The following SPMIP3 variants were observed in gnomAD, a reference collection of about 807,000 sequenced individuals.
The protein encoded by SPMIP3 is protein SPMIP3.
chr1:244,376,934 G>A, the SPMIP3 span, among the ~76,000 whole-genome samples: 17 of 151,062 alleles, frequency 1.1e-4, no homozygotes, highest in Admixed American at 6.6e-4. Flanking sequence ...TCAGCCTCCC[G>A]AGTAGCTGGG....
chr1:244,358,597 TTAAG>T, the SPMIP3 span, among the ~76,000 whole-genome samples: 260 of 144,006 alleles, frequency 1.8e-3, 1 homozygote, highest in Middle Eastern at 3.5e-3. Flanking sequence ...AAAAAAAAAA[TTAAG>T]TATGTATGTG....
At chr1:244,378,619 C>A in the SPMIP3 span, 1 of 1,613,344 alleles carries the variant, frequency 6.2e-7, no homozygotes, top group African/African-American at 1.3e-5. Flanking sequence ...CGAGACTATT[C>A]TCTGCCATTT....
the SPMIP3 span, among the ~76,000 whole-genome samples, chr1:244,369,678 A>G: frequency 2.1e-4 from 31 of 147,616 alleles, no homozygotes; most frequent in African/African-American, 8.0e-4. Flanking sequence ...GGCACGAAAG[A>G]TTGGTTGGAC....
the SPMIP3 span, among the ~76,000 whole-genome samples, chr1:244,385,329 T>C: frequency 1.3e-5 from 2 of 152,246 alleles, no homozygotes; most frequent in African/African-American, 4.8e-5. Context: ...AAGAAATTCT[T>C]CCTCAGTTAA....
chr1:244,367,268 G>C, the SPMIP3 span, among the ~76,000 whole-genome samples: 1 of 152,158 alleles, frequency 6.6e-6, no homozygotes, highest in African/African-American at 2.4e-5. Flanking sequence ...TACATGCAAT[G>C]GGTTGAAGGG....
the SPMIP3 span, among the ~76,000 whole-genome samples, chr1:244,388,539 T>C: frequency 6.6e-6 from 1 of 152,166 alleles, no homozygotes; most frequent in East Asian, 1.9e-4. Flanking sequence ...TGAACTTTTC[T>C]AATCCAAAGG....
At chr1:244,385,463 G>A in the SPMIP3 span, among the ~76,000 whole-genome samples, 1 of 152,152 alleles carries the variant, frequency 6.6e-6, no homozygotes, top group Non-Finnish European at 1.5e-5. Context: ...TCATAGCCTG[G>A]GAGGATAAGA....
chr1:244,375,526 AG>A, the SPMIP3 span: 64 of 1,420,948 alleles, frequency 4.5e-5, no homozygotes, highest in African/African-American at 8.2e-4. Flanking sequence ...AATGATAAAA[AG>A]GGGTCGGCGG....
the SPMIP3 span, chr1:244,375,340 C>T: frequency 1.3e-6 from 2 of 1,537,302 alleles, no homozygotes; most frequent in South Asian, 1.1e-5. Flanking sequence ...GTAAGAATGG[C>T]TTTCTTCTCA....
the SPMIP3 span, among the ~76,000 whole-genome samples, chr1:244,371,216 G>A: frequency 4.6e-5 from 7 of 152,272 alleles, no homozygotes; most frequent in East Asian, 3.9e-4. Flanking sequence ...TCAAAATCAC[G>A]CACGGTGCCT....
the SPMIP3 span, among the ~76,000 whole-genome samples, chr1:244,368,260 A>G: frequency 6.6e-6 from 1 of 152,102 alleles, no homozygotes; most frequent in Non-Finnish European, 1.5e-5. Context: ...CACCTGGCCT[A>G]CTTTATCTGT....
chr1:244,386,134 C>A, the SPMIP3 span, among the ~76,000 whole-genome samples: 24 of 152,224 alleles, frequency 1.6e-4, no homozygotes, highest in Admixed American at 3.9e-4. Flanking sequence ...GCCAAGATCG[C>A]ACCACTGCAC....
chr1:244,378,179 G>A, the SPMIP3 span, among the ~76,000 whole-genome samples: 3 of 152,152 alleles, frequency 2.0e-5, no homozygotes, highest in Admixed American at 6.5e-5. Context: ...GACCTCTGGA[G>A]CGCGGGGAGT....
the SPMIP3 span, among the ~76,000 whole-genome samples, chr1:244,386,433 T>G: frequency 6.6e-6 from 1 of 152,210 alleles, no homozygotes; most frequent in Non-Finnish European, 1.5e-5. Context: ...CCCCAATCTG[T>G]GTAGCACGTT....
chr1:244,381,293 T>C, the SPMIP3 span, among the ~76,000 whole-genome samples: 1 of 152,128 alleles, frequency 6.6e-6, no homozygotes, highest in Non-Finnish European at 1.5e-5. Context: ...ACTGGGAGTT[T>C]GAAAGCTGTT....
At chr1:244,386,152 T>C in the SPMIP3 span, among the ~76,000 whole-genome samples, 8 of 152,272 alleles carry the variant, frequency 5.3e-5, no homozygotes, top group Non-Finnish European at 1.2e-4. Flanking sequence ...CACTCCAGCC[T>C]GGGCAACAGA....
At chr1:244,365,455 A>G in the SPMIP3 span, among the ~76,000 whole-genome samples, 6 of 152,158 alleles carry the variant, frequency 3.9e-5, no homozygotes, top group African/African-American at 1.4e-4. Context: ...GCCTGCCGCC[A>G]TGGAAGACAT....
the SPMIP3 span, among the ~76,000 whole-genome samples, chr1:244,374,664 T>G: frequency 7.6e-6 from 1 of 131,472 alleles, no homozygotes; most frequent in Non-Finnish European, 1.6e-5. Flanking sequence ...TGGCACAATC[T>G]CAGCTCACTG....
At chr1:244,372,967 C>T in the SPMIP3 span, among the ~76,000 whole-genome samples, 1 of 152,124 alleles carries the variant, frequency 6.6e-6, no homozygotes, top group Non-Finnish European at 1.5e-5. Flanking sequence ...CTAAAATATC[C>T]TCAATCAGCC....
Sources: allele counts gnomAD v4.1 joint callset (sites outside exome capture counted in the v4.1 genomes callset), GRCh38; gene constraint gnomAD v4.1.1; transcripts MANE v1.5; gene names NCBI Gene and HGNC (gene_info 2026-07-23, HGNC 2026-07-21).